The following SLAIN1 variants were observed in gnomAD, a reference collection of about 807,000 sequenced individuals.
SLAIN1 encodes SLAIN family member 1.
In SLAIN1, 17 loss-of-function variants were observed where a neutral mutation model predicts 55.4. The observed-to-expected ratio is 0.31, with a 90% CI of 0.21 to 0.46. The LOEUF (loss-of-function observed/expected upper bound fraction) is 0.46. Among genes scored for constraint, SLAIN1 ranks in the 20% least tolerant of loss-of-function variants. The pLI is 1.00. For missense variants in SLAIN1, 682 were observed against 785.1 expected, an observed-to-expected ratio of 0.87 and a Z score of 1.57; for synonymous variants, 348 against 337.4, an observed-to-expected ratio of 1.03 and a Z score of -0.35.
intron 2 of SLAIN1, among the ~76,000 whole-genome samples, chr13:77,739,044 C>G (rs149971128): frequency 2.6e-5 from 4 of 152,116 alleles, no homozygotes; most frequent in Non-Finnish European, 4.4e-5. Flanking sequence ...TGTTTAACCA[C>G]TTTTCCATGT....
chr13:77,701,442 A>C (rs1188468404), intron 1 of SLAIN1, among the ~76,000 whole-genome samples: 2 of 152,126 alleles, frequency 1.3e-5, no homozygotes, highest in Admixed American at 6.5e-5. Flanking sequence ...TTTCTTTATG[A>C]TAGTTCATTA....
chr13:77,723,968 G>C (rs931597060), intron 2 of SLAIN1, among the ~76,000 whole-genome samples: 4 of 151,064 alleles, frequency 2.6e-5, no homozygotes, highest in Admixed American at 2.6e-4. Context: ...AAACTCTACT[G>C]CTGCATATTG....
In SLAIN1 at chr13:77,753,366, T is replaced by C; in HGVS notation, c.1414+8T>C. 1 of 1,472,180 alleles carries C rather than the reference T, an allele frequency of 6.8e-7. No homozygotes were observed. The highest frequency in any genetic ancestry group is 1.4e-5 in the South Asian group (1 of 70,664). 91.2% of individuals were successfully genotyped at this position (1,472,180 alleles called of 1,614,324 possible). A position where few individuals can be genotyped will look rare whatever the true frequency, so the allele number is the denominator to read the frequency against. ...CAAGAATACAATCTTGTAGTGAGTA[T>C]AATTATTTGATATAATTATATATTG... On this transcript the variant is annotated splice_region_variant and intron_variant, in intron 5 of 6. Coordinates refer to ENST00000418532, the MANE Select transcript of SLAIN1 (RefSeq NM_001242868.2).
Position 77,698,619 on chromosome 13 carries a change from C to CG in SLAIN1, c.626+85dup. ...CCGGGGAGCGGGGGCGGGGGGCGGA[C>CG]GGGGGTCCCCTCGCGGCAGCCGGGG... On this transcript the variant is annotated intron_variant, in intron 1 of 6. Transcript: ENST00000418532. This position sits in a 1 kb window ranked among gnomAD's most constrained non-coding sequence, Gnocchi z 4.1. 7.6e-7 allele frequency: 1 copy of CG among 1,321,992 alleles called. No individual in the cohort carries two copies. 81.9% of individuals were successfully genotyped at this position (1,321,992 alleles called of 1,614,324 possible).
At chr13:77,717,832 T>C (rs1366967224) in intron 1 of SLAIN1, among the ~76,000 whole-genome samples, 4 of 152,162 alleles carry the variant, frequency 2.6e-5, no homozygotes, top group Non-Finnish European at 5.9e-5. Context: ...AGGGGTGTGG[T>C]TTAGCAATTT....
chr13:77,699,143 C>A, intron 1 of SLAIN1: 1 of 1,349,974 alleles, frequency 7.4e-7, no homozygotes. Flanking sequence ...GACTGACTTG[C>A]TTTTTAAAAT....
At chr13:77,755,407 GA>G (rs1229821765) in intron 5 of SLAIN1, among the ~76,000 whole-genome samples, 1 of 152,080 alleles carries the variant, frequency 6.6e-6, no homozygotes, top group Middle Eastern at 3.2e-3. Context: ...TAACAATTAG[GA>G]ATTTTTGTTG....
chr13:77,739,655 C>G (rs918860889), intron 2 of SLAIN1, among the ~76,000 whole-genome samples: 3 of 152,100 alleles, frequency 2.0e-5, no homozygotes, highest in Non-Finnish European at 4.4e-5. Flanking sequence ...CAAAGATGAT[C>G]AAGCAATGGT....
chr13:77,698,410 C>CA lies in SLAIN1; in HGVS notation c.497_498insA (p.Ala169ArgfsTer64). 7.2e-7 allele frequency: 1 copy of CA among 1,393,276 alleles called. No individual in the cohort carries two copies. The highest frequency in any genetic ancestry group is 9.3e-7 in the Non-Finnish European group (1 of 1,078,532). 86.3% of individuals were successfully genotyped at this position (1,393,276 alleles called of 1,614,324 possible). A position where few individuals can be genotyped will look rare whatever the true frequency, so the allele number is the denominator to read the frequency against. ...GGCGCGGGCGGTGGCGGGCCGGAGC[C>CA]GGGGGGCGCGGGGACGCCGCCAGGG... On this transcript the variant is annotated frameshift_variant, in exon 1 of 7. Coordinates refer to ENST00000418532, the MANE Select transcript of SLAIN1 (RefSeq NM_001242868.2). LOFTEE classifies it high-confidence loss of function. This position sits in a 1 kb window ranked among gnomAD's most constrained non-coding sequence, Gnocchi z 4.1.
intron 2 of SLAIN1, among the ~76,000 whole-genome samples, chr13:77,725,931 T>C (rs1321009107): frequency 6.6e-6 from 1 of 152,212 alleles, no homozygotes; most frequent in African/African-American, 2.4e-5. Flanking sequence ...CAATTGCTAA[T>C]GAGCTTATTT....
Position 77,698,550 on chromosome 13 carries a change from G to T in SLAIN1, c.626+11G>T, listed in dbSNP as rs935773. 1 of 1,415,822 alleles carries T rather than the reference G, an allele frequency of 7.1e-7. No homozygotes were observed. Among genetic ancestry groups the T allele is most frequent in the Non-Finnish European group, 9.1e-7 (1 of 1,095,078 alleles). 87.7% of individuals were successfully genotyped at this position (1,415,822 alleles called of 1,614,324 possible). On this transcript the variant is annotated intron_variant, in intron 1 of 6. Coordinates refer to ENST00000418532, the MANE Select transcript of SLAIN1 (RefSeq NM_001242868.2). The surrounding 1 kb of genome is among the most constrained non-coding windows in gnomAD (Gnocchi z 4.1). ...GGACGACTACACCTGGTACTGCCTGGCTCCGCTCCTTCCCCGAGACCCTGG... is the reference window on the plus strand; with the variant it reads ...GGACGACTACACCTGGTACTGCCTGTCTCCGCTCCTTCCCCGAGACCCTGG...
chr13:77,699,162 C>A, intron 1 of SLAIN1: 1 of 1,116,256 alleles, frequency 9.0e-7, no homozygotes, highest in East Asian at 2.6e-5. Context: ...ATGGGGTGAC[C>A]TCACTGGCTT....
intron 4 of SLAIN1, among the ~76,000 whole-genome samples, chr13:77,747,862 T>A (rs1873944290): frequency 6.6e-6 from 1 of 152,168 alleles, no homozygotes; most frequent in Admixed American, 6.5e-5. Flanking sequence ...GAAGTTGGAC[T>A]CTGACTTCTA....
At position 77,698,914 on chromosome 13, in the gene SLAIN1, A is replaced by T. The variant is rs1185461815; in HGVS notation, c.626+375A>T. The T allele has an allele frequency of 6.5e-7, 1 of 1,533,326 alleles. No individual in the cohort carries two copies. Among genetic ancestry groups the T allele is most frequent in the Admixed American group, 2.0e-5 (1 of 50,972 alleles). 95.0% of individuals were successfully genotyped at this position (1,533,326 alleles called of 1,614,324 possible). Reference sequence around the variant, plus strand: ...TCTTTTCCCCAGTGTTTTCGGAGGGATGACGGGGGATGGTAGGGGTTGGCC... The same window carrying T: ...TCTTTTCCCCAGTGTTTTCGGAGGGTTGACGGGGGATGGTAGGGGTTGGCC... On this transcript the variant is annotated intron_variant, in intron 1 of 6. Transcript: ENST00000418532. The surrounding 1 kb of genome is among the most constrained non-coding windows in gnomAD (Gnocchi z 4.1).
intron 1 of SLAIN1, 127 bp from the exon 2 acceptor site, chr13:77,719,405 A>C (rs1218181370): frequency 1.1e-5 from 6 of 549,232 alleles, no homozygotes; most frequent in Non-Finnish European, 1.8e-5. Context: ...ACTATTTCTG[A>C]TACTTTGAAG....
intron 4 of SLAIN1, 127 bp from the exon 5 acceptor site, chr13:77,753,076 G>C (rs1874351965): frequency 4.5e-6 from 4 of 881,742 alleles, no homozygotes; most frequent in Non-Finnish European, 6.5e-6. Context: ...TAGAAAGCTT[G>C]ATCATCAACA....
rs1594242115 is a variant in SLAIN1, at chr13:77,697,701, C to T, written c.-213C>T. ...CGCGACGCCCAGGGGACTGGAGGGA[C>T]GCACTGAGCATGTGCAGATCAGCTC... On this transcript the variant is annotated 5_prime_UTR_variant, in exon 1 of 7. It adds an upstream start codon to the 5' untranslated region. Coordinates refer to ENST00000418532, the MANE Select transcript of SLAIN1 (RefSeq NM_001242868.2). Among the ~76,000 whole-genome samples the T allele has an allele frequency of 4.7e-5, 7 of 149,452 alleles. No individual in the cohort carries two copies. In the South Asian group the frequency reaches 1.3e-3, roughly 27 times the overall value.
At chr13:77,724,252 C>G (rs1433786191) in intron 2 of SLAIN1, among the ~76,000 whole-genome samples, 1 of 152,100 alleles carries the variant, frequency 6.6e-6, no homozygotes, top group African/African-American at 2.4e-5. Flanking sequence ...TAGGTGCTTT[C>G]CTATAGATTT....
In SLAIN1 at chr13:77,760,780, C is replaced by T. The variant is rs372451253; in HGVS notation, c.1415-48C>T. ...TGAAAATAACACACATTTCCTAAGTCGGATAGTGGTAGAAGGTTGCTCACA... is the reference window on the plus strand; with the variant it reads ...TGAAAATAACACACATTTCCTAAGTTGGATAGTGGTAGAAGGTTGCTCACA... On this transcript the variant is annotated intron_variant, in intron 5 of 6. Coordinates refer to ENST00000418532, the MANE Select transcript of SLAIN1 (RefSeq NM_001242868.2). 8.6e-5 allele frequency: 136 copies of T among 1,588,108 alleles called. 1 individual carries two copies. Among genetic ancestry groups the T allele is most frequent in the Middle Eastern group, 2.2e-4 (1 of 4,518 alleles).
Sources: gnomAD v4.1 joint callset for allele counts (sites outside exome capture counted in the v4.1 genomes callset) on GRCh38, gnomAD v4.1.1 for gene constraint, Gnocchi (gnomAD v3.1) non-coding constraint, MANE v1.5 for transcripts, NCBI Gene and HGNC (gene_info 2026-07-23, HGNC 2026-07-21) for gene names.